DIAPH3: variants seen among roughly 807,000 people sequenced by gnomAD.
DIAPH3 encodes diaphanous related formin 3.
Under a neutral mutation model 144.3 loss-of-function variants are expected in DIAPH3, and 117 were observed. The observed-to-expected ratio is 0.81, with a 90% confidence interval of 0.70 to 0.95. DIAPH3 has a LOEUF of 0.95. Among genes scored for constraint, DIAPH3 ranks in the 40% least tolerant of loss-of-function variants. The pLI, the probability that DIAPH3 is intolerant of heterozygous loss-of-function variation, is 0.00. For missense variants in DIAPH3, 1,421 were observed against 1,412.7 expected, an observed-to-expected ratio of 1.01 and a Z score of -0.09; for synonymous variants, 519 against 488.9, an observed-to-expected ratio of 1.06 and a Z score of -0.81.
chr13:60,107,221 G>T (rs1458325662), intron 3 of DIAPH3, among the ~76,000 whole-genome samples: 1 of 151,014 alleles, frequency 6.6e-6, no homozygotes, highest in African/African-American at 2.4e-5. Context: ...TATCTCAGAA[G>T]AAAAAAGGTT....
At chr13:59,816,142 A>C (rs2040760855) in intron 24 of DIAPH3, among the ~76,000 whole-genome samples, 1 of 152,020 alleles carries the variant, frequency 6.6e-6, no homozygotes, top group Non-Finnish European at 1.5e-5. Context: ...CCATACTTTC[A>C]CTTCTAGGAT....
chr13:59,905,904 T>G (rs2046710134), intron 20 of DIAPH3, among the ~76,000 whole-genome samples: 1 of 152,194 alleles, frequency 6.6e-6, no homozygotes, highest in African/African-American at 2.4e-5. Context: ...GGACTATTGA[T>G]CTCCAGAATT....
intron 25 of DIAPH3, among the ~76,000 whole-genome samples, chr13:59,781,124 A>T (rs1020284240): frequency 6.6e-6 from 1 of 152,230 alleles, no homozygotes; most frequent in African/African-American, 2.4e-5. Context: ...TAAATAACTA[A>T]GCATACAAAG....
chr13:60,131,476 T>G (rs2059139887), intron 2 of DIAPH3, among the ~76,000 whole-genome samples: 1 of 140,200 alleles, frequency 7.1e-6, no homozygotes, highest in Non-Finnish European at 1.5e-5. Context: ...GAAGTACTGA[T>G]ACATGCAACA....
At chr13:60,056,720 T>C (rs1209705575) in intron 4 of DIAPH3, among the ~76,000 whole-genome samples, 3 of 151,848 alleles carry the variant, frequency 2.0e-5, no homozygotes, top group East Asian at 3.9e-4. Context: ...ATTCAAAGAA[T>C]GATAGGGACA....
chr13:60,031,376 C>T (rs2054780667), intron 5 of DIAPH3, among the ~76,000 whole-genome samples: 1 of 152,146 alleles, frequency 6.6e-6, no homozygotes, highest in Non-Finnish European at 1.5e-5. Flanking sequence ...TTACAATTCA[C>T]CATGAGATTT....
rs74720624 is a variant in DIAPH3 at position 60,040,767 on chromosome 13, T to C, written c.626+1923A>G. Among the ~76,000 whole-genome samples, 17 of 152,202 alleles carry C rather than the reference T, an allele frequency of 1.1e-4. No homozygotes were observed. In the East Asian group the frequency reaches 3.3e-3, roughly 29 times the overall value. Reference sequence around the variant, plus strand: ...GTTTAAACTCCATAGAAATACGATGTGAATCTGCTTTGTTTATTCAAGCCC... The same window carrying C: ...GTTTAAACTCCATAGAAATACGATGCGAATCTGCTTTGTTTATTCAAGCCC... On this transcript the variant is annotated intron_variant, in intron 5 of 27. Coordinates refer to ENST00000400324, the MANE Select transcript of DIAPH3 (RefSeq NM_001042517.2).
intron 22 of DIAPH3, among the ~76,000 whole-genome samples, chr13:59,851,864 C>T (rs373231896): frequency 3.9e-5 from 6 of 152,092 alleles, no homozygotes; most frequent in African/African-American, 1.2e-4. Flanking sequence ...ATGATCCGCA[C>T]GCCTCGGCCT....
intron 27 of DIAPH3, among the ~76,000 whole-genome samples, chr13:59,740,146 C>T (rs1435100861): frequency 1.3e-5 from 2 of 152,170 alleles, no homozygotes; most frequent in South Asian, 2.1e-4. Flanking sequence ...CATTTATCTA[C>T]TTATTCGAGG....
At chr13:59,829,099 T>C (rs2041630054) in intron 24 of DIAPH3, among the ~76,000 whole-genome samples, 1 of 151,970 alleles carries the variant, frequency 6.6e-6, no homozygotes, top group Non-Finnish European at 1.5e-5. Flanking sequence ...AAGGGCTGTA[T>C]CTATACATAT....
At chr13:60,131,417 C>G (rs1233754280) in intron 2 of DIAPH3, among the ~76,000 whole-genome samples, 1 of 114,636 alleles carries the variant, frequency 8.7e-6, no homozygotes, top group Non-Finnish European at 1.6e-5. Context: ...GCCTGGACAA[C>G]AGAGCGAGAC....
chr13:60,094,153 A>G (rs975795925), intron 3 of DIAPH3, among the ~76,000 whole-genome samples: 3 of 152,236 alleles, frequency 2.0e-5, no homozygotes, highest in Non-Finnish European at 4.4e-5. Flanking sequence ...AGGTAAATAA[A>G]CCAACCAATT....
chr13:60,051,876 G>T (rs1274481166), intron 4 of DIAPH3, among the ~76,000 whole-genome samples: 1 of 152,150 alleles, frequency 6.6e-6, no homozygotes, highest in Non-Finnish European at 1.5e-5. Context: ...TGAGAACACC[G>T]AGCTGAAGGT....
rs1282744509 is a variant in DIAPH3 at position 60,052,536 on chromosome 13, TCATA to T, written c.496-9720_496-9717del. ...CAGTCTTCAAGGTATAAGAAGTCTGTCATACATGCCAGCATCTCTGTGTGATGCC... is the reference window on the plus strand; with the variant it reads ...CAGTCTTCAAGGTATAAGAAGTCTGTCATGCCAGCATCTCTGTGTGATGCC... On this transcript the variant is annotated intron_variant, in intron 4 of 27. Transcript: ENST00000400324. Among the ~76,000 whole-genome samples, 9 of 152,194 alleles carry T rather than the reference TCATA, an allele frequency of 5.9e-5. No individual in the cohort carries two copies. The East Asian group carries it at 1.7e-3, about 29-fold the overall frequency.
At chr13:59,973,352 G>T (rs1448945207) in intron 15 of DIAPH3, among the ~76,000 whole-genome samples, 4 of 151,958 alleles carry the variant, frequency 2.6e-5, no homozygotes, top group Non-Finnish European at 4.4e-5. Context: ...GCCACTGTCT[G>T]TAACTCAGTC....
chr13:60,109,733 T>G (rs1329550612), intron 3 of DIAPH3, among the ~76,000 whole-genome samples: 1 of 152,182 alleles, frequency 6.6e-6, no homozygotes, highest in African/African-American at 2.4e-5. Context: ...TGGAATAAAC[T>G]AGCCACTTCC....
rs771550292 is a variant in DIAPH3 at position 59,970,066 on chromosome 13, CAG to C, written c.1960-10_1960-9del. 3.3e-6 allele frequency: 5 copies of C among 1,528,694 alleles called. No homozygotes were observed. The East Asian group carries it at 9.2e-5, about 28-fold the overall frequency. The allele number at this position is 1,528,694 out of a possible 1,614,324, so 94.7% of individuals were successfully genotyped here. On this transcript the variant is annotated splice_polypyrimidine_tract_variant and intron_variant, in intron 16 of 27. Coordinates refer to ENST00000400324, the MANE Select transcript of DIAPH3 (RefSeq NM_001042517.2). Reference sequence around the variant, plus strand: ...CATTTCATGAGGTCTGATCTACAATCAGAGAGAAGACTGATTCATCAATAGGT... The same window carrying C: ...CATTTCATGAGGTCTGATCTACAATCAGAGAAGACTGATTCATCAATAGGT...
At chr13:60,147,673 A>G (rs1951594655) in intron 1 of DIAPH3, among the ~76,000 whole-genome samples, 1 of 152,250 alleles carries the variant, frequency 6.6e-6, no homozygotes, top group Non-Finnish European at 1.5e-5. Context: ...GCAATCATGC[A>G]GGGACCTACA....
intron 25 of DIAPH3, among the ~76,000 whole-genome samples, chr13:59,786,109 C>T (rs2039018988): frequency 6.6e-6 from 1 of 151,960 alleles, no homozygotes. Context: ...TAGCAAGACC[C>T]TGTCTCAAAA....
Sources: allele counts gnomAD v4.1 joint callset (sites outside exome capture counted in the v4.1 genomes callset), GRCh38; gene constraint gnomAD v4.1.1; transcripts MANE v1.5; gene names NCBI Gene and HGNC (gene_info 2026-07-23, HGNC 2026-07-21).